FRY: variants seen among roughly 807,000 people sequenced by gnomAD.
FRY encodes protein furry homolog.
In FRY, 128 loss-of-function variants were observed where a neutral mutation model predicts 348.4. The observed-to-expected ratio is 0.37, with a 90% CI of 0.32 to 0.43. FRY has a LOEUF of 0.43. FRY is among the 20% of genes least tolerant of loss of function. The probability of loss-of-function intolerance (pLI) is 1.00; values close to 1 mark genes in which losing one functional copy is unlikely to be tolerated. For synonymous variants in FRY, 1,370 were observed against 1,374.7 expected, an observed-to-expected ratio of 1.00 and a Z score of 0.08; for missense variants, 2,736 against 3,695.2, an observed-to-expected ratio of 0.74 and a Z score of 6.73.
intron 1 of FRY, among the ~76,000 whole-genome samples, chr13:32,072,663 C>T (rs1251061580): frequency 2.0e-5 from 3 of 152,058 alleles, no homozygotes; most frequent in South Asian, 2.1e-4. Flanking sequence ...GTGACATGTT[C>T]GCAAAGAAGC....
At chr13:32,215,708 T>C (rs1281215836) in intron 35 of FRY, among the ~76,000 whole-genome samples, 1 of 152,162 alleles carries the variant, frequency 6.6e-6, no homozygotes, top group Non-Finnish European at 1.5e-5. Context: ...TGACTAGGAA[T>C]ACAGACATGT....
chr13:32,237,650 C>A lies in FRY; in HGVS notation c.6082C>A (p.Leu2028Ile). 6.2e-7 allele frequency: 1 copy of A among 1,614,190 alleles called. No individual in the cohort carries two copies. Among genetic ancestry groups the A allele is most frequent in the Non-Finnish European group, 8.5e-7 (1 of 1,180,022 alleles). ...AAGCTCATCCTCCTTGAAGGACAGT[C>A]TCACGGACCCATCCCACATAAACCA... ...TRSSSSLKDS[L>I]TDPSHINHPT... The change falls in exon 44 of 61, where the codon CTC (leucine) becomes ATC (isoleucine). Residue 2028 changes from leucine (L) to isoleucine (I), a missense_variant. Leu to Ile is a conservative substitution (Grantham distance 5). This residue lies in a region of FRY where 789 missense variants were observed against 996.2 expected (regional missense o/e 0.79). Transcript: ENST00000542859. The surrounding 1 kb of genome is among the most constrained non-coding windows in gnomAD (Gnocchi z 6.3).
Position 32,134,997 on chromosome 13 carries a change from G to A in FRY, c.978+1G>A. 1.9e-6 allele frequency: 3 copies of A among 1,604,642 alleles called. No individual in the cohort carries two copies. Among genetic ancestry groups the A allele is most frequent in the South Asian group, 1.1e-5 (1 of 90,870 alleles). On this transcript the variant is annotated splice_donor_variant, in intron 9 of 60. Transcript: ENST00000542859. LOFTEE classifies it high-confidence loss of function. ...TGAAATACTTGTTCCAGTTGCTGCTGTGAGTTTCATTTCTAAAAACTCCTT... is the reference window on the plus strand; with the variant it reads ...TGAAATACTTGTTCCAGTTGCTGCTATGAGTTTCATTTCTAAAAACTCCTT...
intron 3 of FRY, among the ~76,000 whole-genome samples, chr13:32,103,027 G>A (rs1166343220): frequency 6.6e-6 from 1 of 152,180 alleles, no homozygotes; most frequent in Non-Finnish European, 1.5e-5. Flanking sequence ...ATTTAGACTT[G>A]TATGATCCAG....
At position 32,187,544 on chromosome 13, in the gene FRY, A is replaced by T; in HGVS notation, c.3481-2A>T. 6.4e-7 allele frequency: 1 copy of T among 1,570,336 alleles called. No homozygotes were observed. The highest frequency in any genetic ancestry group is 8.8e-7 in the Non-Finnish European group (1 of 1,140,116). ...CATGTCTTGTTGTGTTTTTATCATC[A>T]GGCAATGTCAGCAGTACTGTGCTGT... On this transcript the variant is annotated splice_acceptor_variant, in intron 27 of 60. Transcript: ENST00000542859. LOFTEE classifies it high-confidence loss of function.
intron 46 of FRY, 61 bp from the exon 47 acceptor site, chr13:32,243,981 C>T (rs752888526): frequency 3.3e-4 from 526 of 1,577,100 alleles, no homozygotes; most frequent in Middle Eastern, 1.4e-3. Context: ...TTGGAAAACA[C>T]GGGTCCTTCC....
chr13:32,091,273 CAGA>C (rs1876289846), intron 2 of FRY, among the ~76,000 whole-genome samples: 3 of 152,150 alleles, frequency 2.0e-5, no homozygotes. Flanking sequence ...AGTCTTCCAC[CAGA>C]AGTCCAGTGA....
rs1331540302 is a variant in FRY at position 32,136,898 on chromosome 13, C to T, written c.1105C>T (p.Leu369Phe). 6.2e-7 allele frequency: 1 copy of T among 1,608,286 alleles called. No homozygotes were observed. The highest frequency in any genetic ancestry group is 2.2e-5 in the East Asian group (1 of 44,864). Residue 369 changes from leucine (L) to phenylalanine (F), a missense_variant, in exon 11 of 61, where the codon CTC becomes TTC. Leu to Phe is a conservative substitution (Grantham distance 22, BLOSUM62 0). Around this residue, in one of 9 missense-constraint regions of FRY, gnomAD observed 191 missense variants for 370.2 expected, o/e 0.52. Transcript: ENST00000542859. The stretch of plus-strand genomic sequence containing the variant: ...CTTGTACCCCCTGGTGACCTGTTTG[C>T]TCTGTGTCAGTCAGAAGCAGCTGTT... Reference protein sequence around the residue: ...LALYPLVTCLLCVSQKQLFLN... With the variant: ...LALYPLVTCLFCVSQKQLFLN...
intron 35 of FRY, among the ~76,000 whole-genome samples, chr13:32,213,024 TA>T (rs926883644): frequency 1.1e-4 from 17 of 151,954 alleles, no homozygotes; most frequent in Admixed American, 9.2e-4. Context: ...AAACTCAATT[TA>T]AAAAAAATGA....
chr13:32,063,440 A>G (rs898194921), intron 1 of FRY, among the ~76,000 whole-genome samples: 2 of 152,128 alleles, frequency 1.3e-5, no homozygotes, highest in African/African-American at 4.8e-5. Context: ...TAGCCTCCAG[A>G]GCCTTTTGAC....
Position 32,178,263 on chromosome 13 carries a change from A to G in FRY, c.2508A>G (p.Lys836=), listed in dbSNP as rs372000190. 6.2e-7 allele frequency: 1 copy of G among 1,614,114 alleles called. No homozygotes were observed. The highest frequency in any genetic ancestry group is 8.5e-7 in the Non-Finnish European group (1 of 1,179,988). The part of the protein sequence containing the change: ...AVLVNSHYDV[K]SPSHVWIFAQ... ...TGGTCAATAGCCATTATGATGTGAA[A>G]AGCCCTTCCCATGTCTGGATATTTG... Residue 836 remains lysine (K), a synonymous_variant, in exon 21 of 61, where the codon AAA becomes AAG. Coordinates refer to ENST00000542859, the MANE Select transcript of FRY (RefSeq NM_023037.3).
Position 32,053,546 on chromosome 13 carries a change from A to C in FRY, c.70+21681A>C, listed in dbSNP as rs142759540. On this transcript the variant is annotated intron_variant, in intron 1 of 60. Coordinates refer to ENST00000542859, the MANE Select transcript of FRY (RefSeq NM_023037.3). ...GGTCCCAGACTGTGTTAGTTTTCCAAGGTCCCACGGCTTGTTAATGGCAAC... is the reference window on the plus strand; with the variant it reads ...GGTCCCAGACTGTGTTAGTTTTCCACGGTCCCACGGCTTGTTAATGGCAAC... 4.4e-3 allele frequency among the ~76,000 whole-genome samples: 666 copies of C among 152,302 alleles called. 22 individuals are homozygous for C. The highest frequency in any genetic ancestry group is 9.3e-4 in the Non-Finnish European group (63 of 68,030).
intron 1 of FRY, among the ~76,000 whole-genome samples, chr13:32,051,840 G>C (rs1302689376): frequency 6.6e-6 from 1 of 152,200 alleles, no homozygotes; most frequent in African/African-American, 2.4e-5. Flanking sequence ...AAAGAATGAA[G>C]ATGTCAGTAT....
chr13:32,173,769 A>G (rs1247014757), intron 19 of FRY, among the ~76,000 whole-genome samples: 1 of 152,238 alleles, frequency 6.6e-6, no homozygotes, highest in Non-Finnish European at 1.5e-5. Context: ...CCAGTTCTCC[A>G]GGGACATTAC....
At chr13:32,243,545 T>C (rs1187898437) in intron 46 of FRY, among the ~76,000 whole-genome samples, 1 of 152,220 alleles carries the variant, frequency 6.6e-6, no homozygotes, top group Non-Finnish European at 1.5e-5. Flanking sequence ...AGAATACTCA[T>C]TTCTTTATCT....
chr13:32,178,525 C>T, intron 21 of FRY, 89 bp downstream of exon 21: 1 of 1,384,228 alleles, frequency 7.2e-7, no homozygotes, highest in Non-Finnish European at 1.0e-6. Flanking sequence ...GGGATGTTAT[C>T]ATCCCAATTT....
chr13:32,250,811 G>A (rs1308596804), intron 49 of FRY, among the ~76,000 whole-genome samples: 1 of 152,214 alleles, frequency 6.6e-6, no homozygotes, highest in East Asian at 1.9e-4. Flanking sequence ...GGTTCTCAGT[G>A]AGTGTTCAGC....
chr13:32,149,752 G>A lies in FRY; in HGVS notation c.1397G>A (p.Arg466His). The change falls in exon 14 of 61, where the codon CGT (arginine) becomes CAT (histidine). Residue 466 changes from arginine (R) to histidine (H), a missense_variant. Arg to His is a conservative substitution (Grantham distance 29). Coordinates refer to ENST00000542859, the MANE Select transcript of FRY (RefSeq NM_023037.3). ...VKIIQFIAQE[R>H]LDFAMKEIIF... is the part of the protein sequence containing the mutation. ...GTGTTCTTGTTTTTACTACAGGAAC[G>A]TTTAGATTTTGCAATGAAAGAAATC... 8 of 1,585,222 alleles carry A rather than the reference G, an allele frequency of 5.0e-6. No homozygotes were observed. The highest frequency in any genetic ancestry group is 2.2e-5 in the East Asian group (1 of 44,730).
At chr13:32,153,339 A>G (rs954084001) in intron 14 of FRY, among the ~76,000 whole-genome samples, 7 of 152,174 alleles carry the variant, frequency 4.6e-5, no homozygotes, top group African/African-American at 1.7e-4. Flanking sequence ...GTGAATCATC[A>G]ATACAATGGG....
Sources: gnomAD v4.1 joint callset for allele counts (sites outside exome capture counted in the v4.1 genomes callset) on GRCh38, gnomAD v4.1.1 for gene constraint, gnomAD v4.1.1 regional missense constraint, Gnocchi (gnomAD v3.1) non-coding constraint, MANE v1.5 for transcripts, NCBI Gene and HGNC (gene_info 2026-07-23, HGNC 2026-07-21) for gene names.